The following NPAS1 variants were observed in gnomAD, a reference collection of about 807,000 sequenced individuals.
The protein encoded by NPAS1 is neuronal PAS domain protein 1.
NPAS1 carries 29 observed loss-of-function variants against 49.2 expected under a neutral mutation model. The observed-to-expected ratio is 0.59, with a 90% confidence interval of 0.44 to 0.80. The LOEUF (loss-of-function observed/expected upper bound fraction) is 0.80. NPAS1 is among the 30% of genes least tolerant of loss of function. The probability of loss-of-function intolerance (pLI) is 0.00; values close to 1 mark genes in which losing one functional copy is unlikely to be tolerated. For missense variants in NPAS1, 825 were observed against 835.5 expected, an observed-to-expected ratio of 0.99 and a Z score of 0.15; for synonymous variants, 408 against 380.4, an observed-to-expected ratio of 1.07 and a Z score of -0.84.
Position 47,032,351 on chromosome 19 carries a change from G to A in NPAS1, c.432G>A (p.Gln144=). ...AGCACCTGGGAGGTCACATCTTGCA[G>A]GTGAGTGAGGCCCCTTCCCTGCCTG... is the stretch of plus-strand genomic sequence containing the variant. The part of the protein sequence containing the change: ...FEQHLGGHIL[Q]SLDGFVFALN... Residue 144 remains glutamine (Q), a splice_region_variant and synonymous_variant, in exon 4 of 12, where the codon CAG becomes CAA. Transcript: ENST00000602212. 6.2e-7 allele frequency: 1 copy of A among 1,614,036 alleles called. No homozygotes were observed. The highest frequency in any genetic ancestry group is 8.5e-7 in the Non-Finnish European group (1 of 1,179,974).
intron 11 of NPAS1, among the ~76,000 whole-genome samples, chr19:47,044,079 T>A (rs1406512583): frequency 6.6e-6 from 1 of 152,112 alleles, no homozygotes; most frequent in Non-Finnish European, 1.5e-5. Flanking sequence ...CAAATTTATT[T>A]ATTTTTTTAG....
At chr19:47,022,467 A>C (rs919801953) in intron 3 of NPAS1, among the ~76,000 whole-genome samples, 2 of 152,250 alleles carry the variant, frequency 1.3e-5, no homozygotes, top group African/African-American at 4.8e-5. Flanking sequence ...AACCTCCCCC[A>C]GGGGGCTGAG....
rs1233839478 is a variant in NPAS1, at chr19:47,019,960, T to G, written c.-80T>G. Reference sequence around the variant, plus strand: ...CCGGCCCCACGCCGCGCCCGGAGCCTGCTCTGCGGCCAAGTAATCGGACTG... The same window carrying G: ...CCGGCCCCACGCCGCGCCCGGAGCCGGCTCTGCGGCCAAGTAATCGGACTG... On this transcript the variant is annotated 5_prime_UTR_variant, in exon 1 of 12. Transcript: ENST00000602212. 1.3e-5 allele frequency: 5 copies of G among 393,936 alleles called. No individual in the cohort carries two copies. Among genetic ancestry groups the G allele is most frequent in the African/African-American group, 2.1e-5 (1 of 48,206 alleles). The allele number at this position is 393,936 out of a possible 1,614,324, so 24.4% of individuals were successfully genotyped here.
Position 47,021,531 on chromosome 19 carries a change from C to G in NPAS1, c.123-81C>G. The G allele has an allele frequency of 1.0e-6, 1 of 969,868 alleles. No individual in the cohort carries two copies. Among genetic ancestry groups the G allele is most frequent in the Non-Finnish European group, 1.4e-6 (1 of 692,856 alleles). The allele number at this position is 969,868 out of a possible 1,614,324, so 60.1% of individuals were successfully genotyped here. A position where few individuals can be genotyped will look rare whatever the true frequency, so the allele number is the denominator to read the frequency against. On this transcript the variant is annotated intron_variant, in intron 2 of 11. Coordinates refer to ENST00000602212, the MANE Select transcript of NPAS1 (RefSeq NM_002517.4). This position sits in a 1 kb window ranked among gnomAD's most constrained non-coding sequence, Gnocchi z 5.7. ...ACGTCCCGTCCCGTTCCCAAGGCCC[C>G]GGGAGGCGGGGCTCGCCCCCAGTTC...
intron 8 of NPAS1, 145 bp from the exon 9 acceptor site, chr19:47,040,299 A>G: frequency 1.7e-6 from 1 of 600,706 alleles, no homozygotes; most frequent in Non-Finnish European, 3.1e-6. Flanking sequence ...CTGGGATTAC[A>G]GGTGTGAGCC....
intron 8 of NPAS1, 121 bp from the exon 9 acceptor site, chr19:47,040,323 A>G: frequency 3.1e-6 from 2 of 646,686 alleles, no homozygotes; most frequent in Non-Finnish European, 2.8e-6. Context: ...GCGCCTGCCA[A>G]CACTGTTATT....
At chr19:47,039,247 G>C (rs1224559462) in intron 7 of NPAS1, 96 bp downstream of exon 7, 1 of 1,452,172 alleles carries the variant, frequency 6.9e-7, no homozygotes, top group African/African-American at 1.4e-5. Flanking sequence ...ACTGGCTGCA[G>C]GTGGCTTAGG....
chr19:47,038,300 C>G (rs1038836673), intron 6 of NPAS1, among the ~76,000 whole-genome samples: 1 of 152,156 alleles, frequency 6.6e-6, no homozygotes, highest in African/African-American at 2.4e-5. Flanking sequence ...GGCCAGATCA[C>G]GAGGTCAAGA....
At chr19:47,038,947 G>A in intron 6 of NPAS1, 89 bp from the exon 7 acceptor site, 1 of 1,108,858 alleles carries the variant, frequency 9.0e-7, no homozygotes. Flanking sequence ...GACATCTTGT[G>A]TCTATGTCCG....
chr19:47,038,875 T>C (rs1599915752), intron 6 of NPAS1, among the ~76,000 whole-genome samples, 161 bp from the exon 7 acceptor site: 1 of 151,878 alleles, frequency 6.6e-6, no homozygotes, highest in East Asian at 1.9e-4. Flanking sequence ...GGAGCCCACA[T>C]ACTGTCCCCA....
intron 10 of NPAS1, among the ~76,000 whole-genome samples, 182 bp downstream of exon 10, chr19:47,041,307 CA>C (rs1412281761): frequency 6.6e-6 from 1 of 152,030 alleles, no homozygotes; most frequent in African/African-American, 2.4e-5. Context: ...GTCTTGCTGG[CA>C]GGAGACAGAG....
chr19:47,027,381 T>A (rs1469257073), intron 3 of NPAS1, among the ~76,000 whole-genome samples: 2 of 97,246 alleles, frequency 2.1e-5, no homozygotes, highest in Non-Finnish European at 4.0e-5. Flanking sequence ...CCCCCCACAC[T>A]CTGCACCCGG....
At chr19:47,036,913 C>G (rs1467377685) in intron 6 of NPAS1, among the ~76,000 whole-genome samples, 1 of 151,454 alleles carries the variant, frequency 6.6e-6, no homozygotes, top group East Asian at 1.9e-4. Flanking sequence ...AAGAAAAAAA[C>G]ATTAGCTGGG....
chr19:47,020,912 C>G, intron 1 of NPAS1, 94 bp from the exon 2 acceptor site: 1 of 381,728 alleles, frequency 2.6e-6, no homozygotes, highest in South Asian at 5.1e-5. Flanking sequence ...CCCCCCAGCT[C>G]CTTGCTGGGA....
In NPAS1 at chr19:47,040,437, C is replaced by A. The variant is rs1196229984; in HGVS notation, c.963-7C>A. On this transcript the variant is annotated splice_polypyrimidine_tract_variant and splice_region_variant and intron_variant, in intron 8 of 11. Transcript: ENST00000602212. Reference sequence around the variant, plus strand: ...GGACTCCTCCCCTCTTCTCTGTCACCCCCCAGAGTCAGCGACCACATGGAC... The same window carrying A: ...GGACTCCTCCCCTCTTCTCTGTCACACCCCAGAGTCAGCGACCACATGGAC... The A allele has an allele frequency of 1.3e-6, 2 of 1,574,196 alleles. No homozygotes were observed. Among genetic ancestry groups the A allele is most frequent in the Non-Finnish European group, 1.7e-6 (2 of 1,157,688 alleles).
At chr19:47,035,939 C>T (rs1430768380) in intron 5 of NPAS1, 25 bp from the exon 6 acceptor site, 1 of 1,499,802 alleles carries the variant, frequency 6.7e-7, no homozygotes, top group Non-Finnish European at 8.9e-7. Flanking sequence ...CACCCGCCCC[C>T]TGCATTCCCC....
intron 9 of NPAS1, chr19:47,040,768 T>C (rs1456008330): frequency 2.7e-5 from 16 of 602,200 alleles, no homozygotes; most frequent in Middle Eastern, 4.4e-4. Flanking sequence ...CTGTGGGGTC[T>C]CCAAAACACC....
intron 11 of NPAS1, 77 bp from the exon 12 acceptor site, chr19:47,045,114 A>T: frequency 7.1e-7 from 1 of 1,406,374 alleles, no homozygotes; most frequent in Non-Finnish European, 9.8e-7. Context: ...CTGGCCCACT[A>T]AGCACAGCTC....
chr19:47,026,952 CAA>C (rs796473852), intron 3 of NPAS1, among the ~76,000 whole-genome samples: 23 of 118,726 alleles, frequency 1.9e-4, no homozygotes, highest in Admixed American at 4.5e-4. Flanking sequence ...GATGCCGTCT[CAA>C]AAAAAAAAAA....
Sources: gnomAD v4.1 joint callset for allele counts (sites outside exome capture counted in the v4.1 genomes callset) on GRCh38, gnomAD v4.1.1 for gene constraint, Gnocchi (gnomAD v3.1) non-coding constraint, MANE v1.5 for transcripts, NCBI Gene and HGNC (gene_info 2026-07-23, HGNC 2026-07-21) for gene names.